The following KHDRBS2 variants were observed in gnomAD, a reference collection of about 807,000 sequenced individuals.
KHDRBS2 encodes KH domain-containing, RNA-binding, signal transduction-associated protein 2.
KHDRBS2 carries 26 observed loss-of-function variants against 44.3 expected under a neutral mutation model. The observed-to-expected ratio is 0.59, with a 90% CI of 0.43 to 0.81. The LOEUF is 0.81. Ranked by LOEUF, KHDRBS2 falls within the 40% of genes least tolerant of loss-of-function variation. The pLI is 0.00. For synonymous variants in KHDRBS2, 194 were observed against 151.1 expected (o/e 1.28, Z -2.08); for missense variants, 476 against 433.1 (o/e 1.10, Z -0.88).
At chr6:62,050,524 C>A (rs532396876) in intron 2 of KHDRBS2, among the ~76,000 whole-genome samples, 1 of 151,958 alleles carries the variant, frequency 6.6e-6, no homozygotes, top group East Asian at 2.0e-4. Flanking sequence ...AGAAAACACT[C>A]CTTACCTCTG....
chr6:61,771,154 C>T (rs189082827), intron 6 of KHDRBS2, among the ~76,000 whole-genome samples: 62 of 152,066 alleles, frequency 4.1e-4, no homozygotes, highest in African/African-American at 1.4e-3. Context: ...TTTGTCACCA[C>T]CAGGCCTGCC....
chr6:62,125,455 C>T (rs6925400), intron 2 of KHDRBS2, among the ~76,000 whole-genome samples: 243 of 152,240 alleles, frequency 1.6e-3, no homozygotes, highest in African/African-American at 5.7e-3. Flanking sequence ...AGTCTTGATG[C>T]TATGTTGGGC....
chr6:62,038,341 G>A (rs1202547270), intron 3 of KHDRBS2, among the ~76,000 whole-genome samples: 1 of 149,416 alleles, frequency 6.7e-6, no homozygotes, highest in Non-Finnish European at 1.5e-5. Context: ...TTTCTTTTTT[G>A]GTCTTTCTTT....
chr6:61,544,833 A>G, the KHDRBS2 span, among the ~76,000 whole-genome samples: 2 of 152,094 alleles, frequency 1.3e-5, no homozygotes, highest in Non-Finnish European at 2.9e-5. Flanking sequence ...CACAAGGACA[A>G]AAAACCAAAC....
intron 1 of KHDRBS2, among the ~76,000 whole-genome samples, chr6:62,230,951 A>T (rs1364723235): frequency 6.6e-6 from 1 of 152,206 alleles, no homozygotes; most frequent in African/African-American, 2.4e-5. Flanking sequence ...ATAACACTAC[A>T]TGTGTAAGGG....
intron 5 of KHDRBS2, 53 bp from the exon 6 acceptor site, chr6:61,894,886 C>T (rs1802651071): frequency 2.3e-6 from 3 of 1,310,618 alleles, no homozygotes; most frequent in Middle Eastern, 2.4e-4. Context: ...GAGAAAAGGG[C>T]CTATCACAGA....
At chr6:61,901,492 G>T in intron 4 of KHDRBS2, 121 bp from the exon 5 acceptor site, 1 of 721,946 alleles carries the variant, frequency 1.4e-6, no homozygotes, top group Non-Finnish European at 2.2e-6. Context: ...TTGTTTCCTG[G>T]AACTTTATAT....
downstream of KHDRBS2, among the ~76,000 whole-genome samples, chr6:61,676,930 T>C (rs1454951459): frequency 1.3e-5 from 2 of 151,908 alleles, no homozygotes; most frequent in African/African-American, 4.8e-5. Flanking sequence ...GTCTTTTATA[T>C]CTACTGTTTA....
chr6:61,611,854 C>T, the KHDRBS2 span, among the ~76,000 whole-genome samples: 1 of 152,182 alleles, frequency 6.6e-6, no homozygotes, highest in Non-Finnish European at 1.5e-5. Context: ...TAGTAGTCTG[C>T]CATACCCAGT....
chr6:62,071,253 T>C (rs1435594300), intron 2 of KHDRBS2, among the ~76,000 whole-genome samples: 1 of 152,182 alleles, frequency 6.6e-6, no homozygotes, highest in Non-Finnish European at 1.5e-5. Flanking sequence ...CTTTGTCAGA[T>C]GAGTAGATTG....
chr6:62,051,366 G>A (rs550090890), intron 2 of KHDRBS2, among the ~76,000 whole-genome samples: 278 of 151,936 alleles, frequency 1.8e-3, no homozygotes, highest in Non-Finnish European at 3.0e-3. Context: ...TCCGTTTTGG[G>A]TTATTTTTTG....
intron 6 of KHDRBS2, among the ~76,000 whole-genome samples, chr6:61,790,903 T>G (rs1784540672): frequency 6.6e-6 from 1 of 151,544 alleles, no homozygotes; most frequent in Admixed American, 6.6e-5. Context: ...TAGAATTTTC[T>G]CAGTAGAAAA....
At chr6:62,244,633 G>A (rs1490094257) in intron 1 of KHDRBS2, among the ~76,000 whole-genome samples, 3 of 151,908 alleles carry the variant, frequency 2.0e-5, no homozygotes, top group Non-Finnish European at 4.4e-5. Flanking sequence ...TTTTTAGGCA[G>A]GTGAATTGAG....
At chr6:61,953,579 A>G (rs1396650934) in intron 4 of KHDRBS2, among the ~76,000 whole-genome samples, 1 of 152,172 alleles carries the variant, frequency 6.6e-6, no homozygotes, top group Non-Finnish European at 1.5e-5. Context: ...CTGAAAAAGC[A>G]GGCTACTAGA....
At chr6:61,870,307 T>A (rs1798475626) in intron 6 of KHDRBS2, among the ~76,000 whole-genome samples, 1 of 152,118 alleles carries the variant, frequency 6.6e-6, no homozygotes, top group Non-Finnish European at 1.5e-5. Context: ...CCCACGCAGC[T>A]CAGTAAGGCT....
chr6:62,008,491 T>C (rs1269963675), intron 3 of KHDRBS2, among the ~76,000 whole-genome samples: 18 of 152,184 alleles, frequency 1.2e-4, no homozygotes, highest in Non-Finnish European at 4.4e-5. Flanking sequence ...TTATTACAAG[T>C]CTACAGATTT....
chr6:61,753,076 T>C (rs76758966), intron 6 of KHDRBS2, among the ~76,000 whole-genome samples: 6,492 of 152,208 alleles, frequency 0.043, 169 homozygotes, highest in East Asian at 0.091. Flanking sequence ...TAGAATTACA[T>C]TGGACATAAT....
At chr6:62,083,264 T>G (rs1309032379) in intron 2 of KHDRBS2, among the ~76,000 whole-genome samples, 1 of 152,234 alleles carries the variant, frequency 6.6e-6, no homozygotes, top group African/African-American at 2.4e-5. Flanking sequence ...GATGGCTTCA[T>G]GGTGGGAACT....
the KHDRBS2 span, among the ~76,000 whole-genome samples, chr6:61,648,546 C>G: frequency 0.83 from 126,004 of 152,046 alleles, 52,426 homozygotes; most frequent in Non-Finnish European, 0.87. Flanking sequence ...CTAGATTCCT[C>G]GAATTTAGAG....
Sources: gnomAD v4.1 joint callset for allele counts (sites outside exome capture counted in the v4.1 genomes callset) on GRCh38, gnomAD v4.1.1 for gene constraint, MANE v1.5 for transcripts, NCBI Gene and HGNC (gene_info 2026-07-23, HGNC 2026-07-21) for gene names.